YWHAQ: variants seen among roughly 807,000 people sequenced by gnomAD.
YWHAQ encodes 14-3-3 protein theta.
A neutral mutation model predicts 28.3 loss-of-function variants in YWHAQ; 6 were observed. The ratio of observed to expected loss-of-function variants is 0.21; its 90% CI spans 0.12 to 0.42. The LOEUF is 0.42. Ranked by LOEUF, YWHAQ falls within the 10% of genes least tolerant of loss-of-function variation. The pLI is 1.00. For synonymous variants in YWHAQ, 143 were observed against 119.1 expected, an observed-to-expected ratio of 1.20 and a Z score of -1.31; for missense variants, 201 against 305.6, an observed-to-expected ratio of 0.66 and a Z score of 2.55.
intron 5 of YWHAQ, among the ~76,000 whole-genome samples, chr2:9,585,779 G>A (rs1300975062): frequency 1.3e-5 from 2 of 151,992 alleles, no homozygotes; most frequent in Admixed American, 1.3e-4. Context: ...GGTACGGGGT[G>A]GTGTGTGCCT....
At chr2:9,596,432 T>G (rs1666571426) in intron 2 of YWHAQ, among the ~76,000 whole-genome samples, 1 of 152,156 alleles carries the variant, frequency 6.6e-6, no homozygotes, top group Non-Finnish European at 1.5e-5. Flanking sequence ...ACAGAGTAAA[T>G]AAGCTACTCT....
rs1558541411 is a variant in YWHAQ at position 9,591,515 on chromosome 2, C to T, written c.295G>A (p.Glu99Lys). 1.2e-6 allele frequency: 2 copies of T among 1,606,276 alleles called. No homozygotes were observed. Among genetic ancestry groups the T allele is most frequent in the South Asian group, 2.2e-5 (2 of 90,720 alleles). ...GCTATTAAATATTTATCCAACAATT[C>T]CTGAAATAAATAAGACAGAACATTA... ...ELRSICTTVL[E>K]LLDKYLIANA... The change falls in exon 3 of 6, where the codon GAA becomes AAA. Residue 99 changes from glutamate to lysine, a missense_variant and splice_region_variant. Physicochemically the swap from Glu to Lys is moderately conservative, Grantham distance 56. Transcript: ENST00000238081.
At chr2:9,592,575 A>C (rs1666479572) in intron 2 of YWHAQ, among the ~76,000 whole-genome samples, 1 of 151,994 alleles carries the variant, frequency 6.6e-6, no homozygotes, top group African/African-American at 2.4e-5. Flanking sequence ...AATACAAAAA[A>C]TTAGCCAAGC....
chr2:9,588,338 G>T lies in YWHAQ; in HGVS notation c.419-10C>A, dbSNP rs1489098667. 1 of 1,601,828 alleles carries T rather than the reference G, an allele frequency of 6.2e-7. No individual in the cohort carries two copies. Among genetic ancestry groups the T allele is most frequent in the Non-Finnish European group, 8.5e-7 (1 of 1,176,868 alleles). On this transcript the variant is annotated splice_polypyrimidine_tract_variant and intron_variant, in intron 3 of 5. Transcript: ENST00000238081. The stretch of plus-strand genomic sequence containing the variant: ...GAATTATCTATCGTTTCTGTGAAGA[G>T]CGAAAAATAAGAAGTGCAATATTAA...
chr2:9,596,760 T>C (rs889431123), intron 2 of YWHAQ, among the ~76,000 whole-genome samples: 1 of 152,102 alleles, frequency 6.6e-6, no homozygotes, highest in Non-Finnish European at 1.5e-5. Context: ...TGAAGCGCAG[T>C]GGCTCAATCT....
chr2:9,603,481 G>A (rs1039508291), intron 2 of YWHAQ, among the ~76,000 whole-genome samples: 2 of 150,750 alleles, frequency 1.3e-5, no homozygotes, highest in Admixed American at 6.6e-5. Context: ...CTCCATGTTG[G>A]CCAGGCTGGT....
chr2:9,597,668 A>C (rs914108406), intron 2 of YWHAQ, among the ~76,000 whole-genome samples: 2 of 151,714 alleles, frequency 1.3e-5, no homozygotes, highest in African/African-American at 4.8e-5. Flanking sequence ...AAGAAAAAAA[A>C]ATTGTTAAGA....
At chr2:9,627,939 T>C (rs137882058) in intron 2 of YWHAQ, among the ~76,000 whole-genome samples, 54 of 152,336 alleles carry the variant, frequency 3.5e-4, no homozygotes, top group African/African-American at 1.3e-3. Context: ...TTTTCAAAGG[T>C]TTCTATTTCC....
Position 9,630,040 on chromosome 2 carries a change from C to T in YWHAQ, c.294+119G>A, listed in dbSNP as rs566200608. ...AGGGAAGTCAGGGCTCACCTAAAAC[C>T]CTCCACCCCAGCAGACAGTCCGGCA... On this transcript the variant is annotated intron_variant, in intron 2 of 5. Coordinates refer to ENST00000238081, the MANE Select transcript of YWHAQ (RefSeq NM_006826.4). The surrounding 1 kb of genome is among the most constrained non-coding windows in gnomAD (Gnocchi z 5.6). The T allele has an allele frequency of 4.4e-6, 6 of 1,363,002 alleles. No homozygotes were observed. In the African/African-American group the frequency reaches 8.7e-5, roughly 20 times the overall value. The allele number at this position is 1,363,002 out of a possible 1,614,324, so 84.4% of individuals were successfully genotyped here. A position where few individuals can be genotyped will look rare whatever the true frequency, so the allele number is the denominator to read the frequency against.
chr2:9,587,613 T>C (rs1438551406), intron 4 of YWHAQ, 104 bp from the exon 5 acceptor site: 1 of 958,578 alleles, frequency 1.0e-6, no homozygotes, highest in Non-Finnish European at 1.5e-6. Context: ...CCACCTTATG[T>C]TCTACCATCA....
chr2:9,607,319 G>T (rs544333103), intron 2 of YWHAQ, among the ~76,000 whole-genome samples: 9 of 151,292 alleles, frequency 5.9e-5, no homozygotes, highest in Admixed American at 5.9e-4. Flanking sequence ...TCCTGCCTCA[G>T]CCGCTCGAGT....
At chr2:9,613,899 T>C (rs1666997918) in intron 2 of YWHAQ, among the ~76,000 whole-genome samples, 1 of 152,228 alleles carries the variant, frequency 6.6e-6, no homozygotes, top group South Asian at 2.1e-4. Context: ...GTGGTGAAGA[T>C]ACCTAACAGA....
chr2:9,594,240 C>A (rs1019045157), intron 2 of YWHAQ, among the ~76,000 whole-genome samples: 15 of 152,070 alleles, frequency 9.9e-5, no homozygotes, highest in African/African-American at 3.4e-4. Flanking sequence ...ATTTATTGTG[C>A]TCAACATCAC....
intron 2 of YWHAQ, among the ~76,000 whole-genome samples, chr2:9,593,899 A>AT (rs58002595): frequency 0.23 from 15,619 of 66,968 alleles, 957 homozygotes; most frequent in African/African-American, 0.33. Context: ...TAAATAGATT[A>AT]AAAAAAATAT....
chr2:9,603,416 C>T (rs935949242), intron 2 of YWHAQ, among the ~76,000 whole-genome samples: 1 of 151,400 alleles, frequency 6.6e-6, no homozygotes, highest in Non-Finnish European at 1.5e-5. Context: ...ATTACAGGCA[C>T]GCATAATCAT....
chr2:9,587,832 T>G (rs903578585), intron 4 of YWHAQ, among the ~76,000 whole-genome samples: 11 of 152,222 alleles, frequency 7.2e-5, no homozygotes, highest in Non-Finnish European at 1.3e-4. Flanking sequence ...TTGAGCCACT[T>G]TGAGGAATGT....
At chr2:9,607,287 A>G (rs1259213584) in intron 2 of YWHAQ, among the ~76,000 whole-genome samples, 3 of 139,306 alleles carry the variant, frequency 2.2e-5, no homozygotes, top group Non-Finnish European at 4.7e-5. Flanking sequence ...TGCAACGTCC[A>G]CCTCCCAGGT....
At chr2:9,614,668 T>C (rs377390967) in intron 2 of YWHAQ, among the ~76,000 whole-genome samples, 25 of 152,370 alleles carry the variant, frequency 1.6e-4, no homozygotes, top group African/African-American at 5.5e-4. Context: ...GAAAATGGTT[T>C]ATACTAGCAA....
chr2:9,599,449 T>C (rs1666644510), intron 2 of YWHAQ, among the ~76,000 whole-genome samples: 1 of 152,178 alleles, frequency 6.6e-6, no homozygotes, highest in African/African-American at 2.4e-5. Context: ...GGTCAGTATC[T>C]GGCTTTAAAG....
Sources: gnomAD v4.1 joint callset for allele counts (sites outside exome capture counted in the v4.1 genomes callset) on GRCh38, gnomAD v4.1.1 for gene constraint, Gnocchi (gnomAD v3.1) non-coding constraint, MANE v1.5 for transcripts, NCBI Gene and HGNC (gene_info 2026-07-23, HGNC 2026-07-21) for gene names.